XRRA1: variants seen among roughly 807,000 people sequenced by gnomAD.
XRRA1 encodes the protein X-ray radiation resistance-associated protein 1.
A neutral mutation model predicts 80.2 loss-of-function variants in XRRA1; 69 were observed. The ratio of observed to expected loss-of-function variants is 0.86; its 90% CI spans 0.71 to 1.05. The LOEUF is 1.05. Ranked by LOEUF, XRRA1 falls within the 50% of genes least tolerant of loss-of-function variation. The pLI is 0.00. For missense variants in XRRA1, 967 were observed against 976.4 expected (o/e 0.99, Z 0.13); for synonymous variants, 348 against 389.9 (o/e 0.89, Z 1.27).
At chr11:74,924,241 C>T (rs185129146) in intron 7 of XRRA1, among the ~76,000 whole-genome samples, 17 of 145,684 alleles carry the variant, frequency 1.2e-4, no homozygotes, top group East Asian at 2.1e-4. Flanking sequence ...TTTGGGAGGC[C>T]GAGACGGGCA....
intron 12 of XRRA1, 151 bp downstream of exon 12, chr11:74,859,007 C>T (rs764560187): frequency 2.8e-5 from 30 of 1,080,352 alleles, no homozygotes; most frequent in Non-Finnish European, 3.6e-5. Context: ...TTGGCCTGAA[C>T]TCCTTCCACT....
At chr11:74,893,682 T>C (rs1276259934) in intron 10 of XRRA1, among the ~76,000 whole-genome samples, 2 of 151,600 alleles carry the variant, frequency 1.3e-5, no homozygotes, top group African/African-American at 4.9e-5. Flanking sequence ...ATCAAAACCA[T>C]AATGAGATAT....
intron 8 of XRRA1, chr11:74,920,006 CAAA>C (rs55989441): frequency 5.8e-4 from 75 of 128,286 alleles, no homozygotes; most frequent in Middle Eastern, 4.0e-3. Flanking sequence ...TATAAAACTG[CAAA>C]AAAAAAAAAA....
chr11:74,857,413 T>C (rs1722919715), intron 12 of XRRA1, among the ~76,000 whole-genome samples: 1 of 150,598 alleles, frequency 6.6e-6, no homozygotes. Flanking sequence ...TTTATAAAAG[T>C]ATCCATACAT....
intron 10 of XRRA1, among the ~76,000 whole-genome samples, chr11:74,887,651 G>A (rs1035950582): frequency 1.1e-4 from 16 of 152,340 alleles, no homozygotes; most frequent in Admixed American, 7.2e-4. Context: ...AGCGCAAGGG[G>A]TCAGGGAATT....
At chr11:74,940,984 C>T in intron 2 of XRRA1, 102 bp from the exon 3 acceptor site, 2 of 786,892 alleles carry the variant, frequency 2.5e-6, no homozygotes, top group Admixed American at 2.3e-5. Flanking sequence ...ACCACCACAC[C>T]CGCACACACC....
intron 11 of XRRA1, among the ~76,000 whole-genome samples, chr11:74,860,307 A>G (rs79644140): frequency 0.024 from 3,696 of 152,324 alleles, 125 homozygotes; most frequent in African/African-American, 0.085. Flanking sequence ...AATTTCTGAG[A>G]CGCAAGAGTG....
chr11:74,928,841 C>T (rs1282613799), intron 6 of XRRA1, among the ~76,000 whole-genome samples: 1 of 152,042 alleles, frequency 6.6e-6, no homozygotes, highest in Non-Finnish European at 1.5e-5. Context: ...TTTTAAGAAA[C>T]ATTACCAAAT....
chr11:74,859,357 C>T (rs1272466021), intron 11 of XRRA1, 74 bp from the exon 12 acceptor site: 1 of 1,481,724 alleles, frequency 6.7e-7, no homozygotes, highest in Non-Finnish European at 9.1e-7. Context: ...CAGACCCTTT[C>T]AATGGAACAG....
intron 10 of XRRA1, among the ~76,000 whole-genome samples, chr11:74,874,509 C>A (rs2136340952): frequency 6.6e-6 from 1 of 152,272 alleles, no homozygotes; most frequent in East Asian, 1.9e-4. Context: ...TAAAGAATGG[C>A]TATCATGCCT....
intron 12 of XRRA1, among the ~76,000 whole-genome samples, chr11:74,852,453 T>C (rs1279006009): frequency 6.6e-6 from 1 of 152,192 alleles, no homozygotes; most frequent in Non-Finnish European, 1.5e-5. Flanking sequence ...CTCATAAAGA[T>C]TCTGGAAGGT....
chr11:74,853,630 C>CA lies in XRRA1; in HGVS notation c.1171-1549dup, dbSNP rs375506560. On this transcript the variant is annotated intron_variant, in intron 12 of 18. Coordinates refer to ENST00000684022, the MANE Select transcript of XRRA1 (RefSeq NM_001378157.1). The stretch of plus-strand genomic sequence containing the variant: ...AATGATCATGTGGAAGGCCACCTGC[C>CA]AACCAGGAATATCCAAGATGGACTT... 7.1e-3 allele frequency among the ~76,000 whole-genome samples: 1,075 copies of CA among 152,270 alleles called. 12 individuals carry two copies. The highest frequency in any genetic ancestry group is 0.025 in the African/African-American group (1,046 of 41,558).
At position 74,863,055 on chromosome 11, in the gene XRRA1, G is replaced by A. The variant is rs770906861; in HGVS notation, c.1004-34C>T. The stretch of plus-strand genomic sequence containing the variant: ...GAAGAGAAACAGAATGAAGGTTGGT[G>A]AGACCGCTGATTGATGCCTAGAGCA... On this transcript the variant is annotated intron_variant, in intron 10 of 18. Transcript: ENST00000684022. The A allele has an allele frequency of 6.9e-6, 11 of 1,584,592 alleles. No individual in the cohort carries two copies. The African/African-American group carries it at 1.2e-4, about 17-fold the overall frequency.
rs556162000 is a variant in XRRA1 at position 74,849,726 on chromosome 11, C to T, written c.1381-1264G>A. 2.6e-5 allele frequency among the ~76,000 whole-genome samples: 4 copies of T among 152,330 alleles called. No homozygotes were observed. The South Asian group carries it at 8.3e-4, about 32-fold the overall frequency. On this transcript the variant is annotated intron_variant, in intron 14 of 18. Transcript: ENST00000684022. Reference sequence around the variant, plus strand: ...GAGGTTGAGTCACTGGGCCCTGCTTCAGTCGTGGGCTGGATTACTGCTCAT... The same window carrying T: ...GAGGTTGAGTCACTGGGCCCTGCTTTAGTCGTGGGCTGGATTACTGCTCAT...
At chr11:74,853,339 C>G (rs774067010) in intron 12 of XRRA1, among the ~76,000 whole-genome samples, 8 of 152,194 alleles carry the variant, frequency 5.3e-5, no homozygotes, top group Admixed American at 5.2e-4. Context: ...AAAACCATTT[C>G]TCTACCTCTA....
intron 10 of XRRA1, among the ~76,000 whole-genome samples, chr11:74,888,468 A>G (rs1330431580): frequency 6.6e-6 from 1 of 152,226 alleles, no homozygotes. Flanking sequence ...AAGATGGGGA[A>G]AAAACAGAGC....
At chr11:74,866,990 C>CA (rs574043765) in intron 10 of XRRA1, among the ~76,000 whole-genome samples, 57 of 152,256 alleles carry the variant, frequency 3.7e-4, no homozygotes, top group African/African-American at 1.4e-3. Context: ...CGTACCCCAC[C>CA]ATGCCATTAC....
At chr11:74,874,343 C>T (rs1277759022) in intron 10 of XRRA1, among the ~76,000 whole-genome samples, 1 of 151,556 alleles carries the variant, frequency 6.6e-6, no homozygotes, top group East Asian at 1.9e-4. Context: ...TTAAAACAAG[C>T]CTTACTTAAG....
chr11:74,930,369 T>A lies in XRRA1; in HGVS notation c.355A>T (p.Lys119Ter). The change falls in exon 6 of 19, where the codon AAG becomes TAG. Residue 119 changes from lysine to a stop codon, truncating the protein, a stop_gained. Transcript: ENST00000684022. LOFTEE classifies it high-confidence loss of function. ...NVSGLKFSKA[K>*]ENDFKHFHSV... ...TGAAAATGCTTGAAGTCATTTTCCT[T>A]GGCCTGTAGGAAAGCATTTCAGAAA... The A allele has an allele frequency of 6.4e-7, 1 of 1,556,302 alleles. No homozygotes were observed. Among genetic ancestry groups the A allele is most frequent in the Non-Finnish European group, 8.7e-7 (1 of 1,149,752 alleles).
Sources: gnomAD v4.1 joint callset for allele counts (sites outside exome capture counted in the v4.1 genomes callset) on GRCh38, gnomAD v4.1.1 for gene constraint, MANE v1.5 for transcripts, NCBI Gene and HGNC (gene_info 2026-07-23, HGNC 2026-07-21) for gene names.